The following CSMD1 variants were observed in gnomAD, a reference collection of about 807,000 sequenced individuals.
CSMD1 encodes the protein CUB and Sushi multiple domains 1.
Under a neutral mutation model 417.5 loss-of-function variants are expected in CSMD1, and 213 were observed. The ratio of observed to expected loss-of-function variants is 0.51; its 90% CI spans 0.46 to 0.57. The LOEUF is 0.57. Among genes scored for constraint, CSMD1 ranks in the 20% least tolerant of loss-of-function variants. The pLI is 0.00. For missense variants in CSMD1, 6,923 were observed against 4,529.7 expected, an observed-to-expected ratio of 1.53 and a Z score of -15.17; for synonymous variants, 2,862 against 1,736.8, an observed-to-expected ratio of 1.65 and a Z score of -16.11.
intron 5 of CSMD1, among the ~76,000 whole-genome samples, chr8:3,919,404 C>A (rs904630400): frequency 1.3e-5 from 2 of 152,002 alleles, no homozygotes; most frequent in Admixed American, 6.6e-5. Flanking sequence ...TCTTTTCCCC[C>A]ATTGTGTCTT....
intron 5 of CSMD1, among the ~76,000 whole-genome samples, chr8:3,964,899 T>C (rs1039307371): frequency 1.3e-5 from 2 of 152,232 alleles, no homozygotes; most frequent in Non-Finnish European, 2.9e-5. Context: ...TTTTAAAAAG[T>C]TCAATACAAT....
At chr8:4,146,132 C>G (rs187338138) in intron 3 of CSMD1, among the ~76,000 whole-genome samples, 2 of 150,802 alleles carry the variant, frequency 1.3e-5, no homozygotes, top group South Asian at 4.1e-4. Flanking sequence ...GAATTCAGAG[C>G]CTACATATGA....
chr8:3,167,940 C>G (rs1369537163), intron 37 of CSMD1, among the ~76,000 whole-genome samples: 1 of 151,894 alleles, frequency 6.6e-6, no homozygotes, highest in African/African-American at 2.4e-5. Context: ...TAATCAAATA[C>G]TTAAAACAGG....
Position 4,312,463 on chromosome 8 carries a change from G to A in CSMD1, c.415+107490C>T, listed in dbSNP as rs563101834. ...CGTATATATATACGTATATATATGC[G>A]CGTATATATATATATACACATATAG... On this transcript the variant is annotated intron_variant, in intron 3 of 69. Transcript: ENST00000635120. Among the ~76,000 whole-genome samples, 341 of 117,616 alleles carry A rather than the reference G, an allele frequency of 2.9e-3. 18 individuals are homozygous for A. The highest frequency in any genetic ancestry group is 5.8e-3 in the South Asian group (25 of 4,306). 77.2% of individuals were successfully genotyped at this position (117,616 alleles called of 152,430 possible).
rs1335793138 is a variant in CSMD1, at chr8:3,107,812, G to A, written c.6755-14C>T. Reference sequence around the variant, plus strand: ...TGAGCTGAAATGCTAAATGATTAATGGAAAGAATAATAATAATTGCAATTA... The same window carrying A: ...TGAGCTGAAATGCTAAATGATTAATAGAAAGAATAATAATAATTGCAATTA... On this transcript the variant is annotated splice_polypyrimidine_tract_variant and intron_variant, in intron 44 of 69. Transcript: ENST00000635120. The A allele has an allele frequency of 1.3e-6, 2 of 1,524,032 alleles. No homozygotes were observed. The highest frequency in any genetic ancestry group is 2.3e-5 in the East Asian group (1 of 42,642). The allele number at this position is 1,524,032 out of a possible 1,614,324, so 94.4% of individuals were successfully genotyped here.
intron 3 of CSMD1, among the ~76,000 whole-genome samples, chr8:4,252,729 A>G (rs1302002521): frequency 6.6e-6 from 1 of 152,228 alleles, no homozygotes; most frequent in East Asian, 1.9e-4. Flanking sequence ...TTGTACAGGA[A>G]TTATGAGAGC....
rs530781377 is a variant in CSMD1, at chr8:3,885,357, G to A, written c.818+112546C>T. 6.6e-4 allele frequency among the ~76,000 whole-genome samples: 100 copies of A among 152,140 alleles called. 3 individuals carry two copies. The South Asian group carries it at 0.019, about 30-fold the overall frequency. On this transcript the variant is annotated intron_variant, in intron 5 of 69. Transcript: ENST00000635120. ...CTTAGTGACATTTATATTGTTAAAC[G>A]GTTAAACGAAAATATAAAAGCTTGA...
intron 26 of CSMD1, among the ~76,000 whole-genome samples, chr8:3,241,369 T>A (rs1438849327): frequency 1.3e-5 from 2 of 151,838 alleles, no homozygotes; most frequent in Non-Finnish European, 2.9e-5. Flanking sequence ...GTGGGTAGCC[T>A]CCATATTGAT....
At chr8:4,621,851 C>G (rs1291179788) in intron 2 of CSMD1, among the ~76,000 whole-genome samples, 1 of 151,798 alleles carries the variant, frequency 6.6e-6, no homozygotes, top group African/African-American at 2.4e-5. Context: ...AGGCTGTACT[C>G]TGGAATGAGA....
intron 1 of CSMD1, among the ~76,000 whole-genome samples, chr8:4,942,335 T>A (rs1369762744): frequency 1.3e-5 from 2 of 152,130 alleles, no homozygotes; most frequent in East Asian, 3.9e-4. Context: ...ACAGATAGAA[T>A]AACCCATTGC....
chr8:3,286,444 G>T (rs112465834), intron 25 of CSMD1, among the ~76,000 whole-genome samples: 1 of 152,094 alleles, frequency 6.6e-6, no homozygotes. Flanking sequence ...GTCCCACCAA[G>T]AGTGTGAAAG....
intron 26 of CSMD1, among the ~76,000 whole-genome samples, chr8:3,231,113 C>G (rs560953759): frequency 6.6e-6 from 1 of 152,166 alleles, no homozygotes; most frequent in Non-Finnish European, 1.5e-5. Flanking sequence ...TCCCCCATCA[C>G]TCTAAAATAC....
intron 3 of CSMD1, among the ~76,000 whole-genome samples, chr8:4,414,959 G>A (rs1032347490): frequency 2.0e-5 from 3 of 151,938 alleles, no homozygotes; most frequent in Non-Finnish European, 2.9e-5. Context: ...TTTATTTTGG[G>A]ACAATATAAC....
At chr8:4,288,555 T>G (rs1797188729) in intron 3 of CSMD1, among the ~76,000 whole-genome samples, 1 of 152,188 alleles carries the variant, frequency 6.6e-6, no homozygotes, top group Non-Finnish European at 1.5e-5. Flanking sequence ...GACTTGTCCT[T>G]CTAAGTGAAT....
intron 1 of CSMD1, among the ~76,000 whole-genome samples, chr8:4,943,820 G>A (rs986943820): frequency 6.6e-6 from 1 of 152,138 alleles, no homozygotes; most frequent in Non-Finnish European, 1.5e-5. Flanking sequence ...AGATTTGACA[G>A]CATCATTATT....
chr8:3,943,140 A>G (rs192391652), intron 5 of CSMD1, among the ~76,000 whole-genome samples: 1 of 152,150 alleles, frequency 6.6e-6, no homozygotes, highest in Admixed American at 6.6e-5. Flanking sequence ...AGCTGAATGC[A>G]TTGTTATCTT....
chr8:3,188,331 G>C (rs1299692274), intron 35 of CSMD1, among the ~76,000 whole-genome samples: 1 of 97,490 alleles, frequency 1.0e-5, no homozygotes, highest in African/African-American at 3.7e-5. Context: ...TTTTGAGATG[G>C]AGTCTTCCTC....
At chr8:3,585,706 C>T (rs938772386) in intron 9 of CSMD1, among the ~76,000 whole-genome samples, 1 of 152,088 alleles carries the variant, frequency 6.6e-6, no homozygotes, top group Non-Finnish European at 1.5e-5. Context: ...TGCAATCAGG[C>T]TAACAATTCC....
intron 3 of CSMD1, among the ~76,000 whole-genome samples, chr8:4,309,201 T>G (rs536373815): frequency 6.6e-6 from 1 of 152,276 alleles, no homozygotes; most frequent in South Asian, 2.1e-4. Context: ...TTTCAATTCC[T>G]AGGGTCAGTT....
Sources: gnomAD v4.1 joint callset for allele counts (sites outside exome capture counted in the v4.1 genomes callset) on GRCh38, gnomAD v4.1.1 for gene constraint, MANE v1.5 for transcripts, NCBI Gene and HGNC (gene_info 2026-07-23, HGNC 2026-07-21) for gene names.